ABLIM1: variants seen among roughly 807,000 people sequenced by gnomAD.
ABLIM1 encodes actin binding LIM protein 1, also known as actin-binding LIM protein 1.
A neutral mutation model predicts 107.0 loss-of-function variants in ABLIM1; 40 were observed. The observed-to-expected ratio is 0.37, with a 90% CI of 0.29 to 0.49. ABLIM1 has a LOEUF of 0.49. ABLIM1 is among the 20% of genes least tolerant of loss of function. ABLIM1 has a pLI of 0.97. For missense variants in ABLIM1, 857 were observed against 1,008.5 expected (o/e 0.85, Z 2.04); for synonymous variants, 357 against 357.3 (o/e 1.00, Z 0.01).
chr10:114,697,076 G>A (rs143035591), intron 1 of ABLIM1, among the ~76,000 whole-genome samples: 4 of 152,250 alleles, frequency 2.6e-5, no homozygotes, highest in African/African-American at 9.6e-5. Flanking sequence ...ATGACTCAGG[G>A]CACTCTGGGG....
intron 4 of ABLIM1, among the ~76,000 whole-genome samples, chr10:114,553,592 T>C (rs991360278): frequency 2.4e-4 from 37 of 152,144 alleles, no homozygotes; most frequent in African/African-American, 8.5e-4. Context: ...TCCCCTCTGC[T>C]CTGCTGCAAG....
rs1591916436 is a variant in ABLIM1, at chr10:114,737,872, T to TA, written c.-213+30188dup. ...CAGTTCAGCCTCAGAACCACTCTAGTAAAAAAGGCACTACTATAACTGTTC... is the reference window on the plus strand; with the variant it reads ...CAGTTCAGCCTCAGAACCACTCTAGTAAAAAAAGGCACTACTATAACTGTTC... On this transcript the variant is annotated intron_variant, in intron 1 of 15. Transcript: ENST00000651092. Among the ~76,000 whole-genome samples the TA allele has an allele frequency of 2.0e-5, 3 of 152,184 alleles. No individual in the cohort carries two copies. The East Asian group carries it at 5.8e-4, about 29-fold the overall frequency.
chr10:114,597,683 G>A (rs1401622200), intron 2 of ABLIM1, among the ~76,000 whole-genome samples: 1 of 152,200 alleles, frequency 6.6e-6, no homozygotes, highest in Non-Finnish European at 1.5e-5. Flanking sequence ...GAGAATACGA[G>A]GGCAGTTGGT....
rs1259486222 is a variant in ABLIM1 at position 114,547,436 on chromosome 10, T to C, written c.800+214A>G. ...GTGTCAGCTTCATTAATTGTTAAAT[T>C]AGGCAATGATTAACATATCATTAGG... On this transcript the variant is annotated intron_variant, in intron 5 of 22. Coordinates refer to ENST00000533213, the MANE Select transcript of ABLIM1 (RefSeq NM_002313.7). The C allele has an allele frequency of 1.0e-5, 6 of 583,434 alleles. No homozygotes were observed. In the Admixed American group the frequency reaches 2.1e-4, roughly 20 times the overall value. 36.1% of individuals were successfully genotyped at this position (583,434 alleles called of 1,614,324 possible).
chr10:114,768,372 G>A (rs2760664), upstream of ABLIM1, among the ~76,000 whole-genome samples: 1 of 150,280 alleles, frequency 6.7e-6, no homozygotes, highest in Non-Finnish European at 1.5e-5. Flanking sequence ...GCTCTGCCGC[G>A]GCGCCGGGCG....
intron 8 of ABLIM1, among the ~76,000 whole-genome samples, chr10:114,474,547 A>AT (rs925377802): frequency 6.6e-5 from 10 of 151,858 alleles, no homozygotes; most frequent in Non-Finnish European, 1.2e-4. Context: ...TGCCCGGCTA[A>AT]TTTTTTGTAT....
chr10:114,499,022 G>A (rs1263404204), intron 6 of ABLIM1, among the ~76,000 whole-genome samples: 1 of 152,212 alleles, frequency 6.6e-6, no homozygotes, highest in Non-Finnish European at 1.5e-5. Flanking sequence ...TGTTCTACAA[G>A]CAAGGAAACT....
chr10:114,709,002 T>G (rs2141927645), intron 1 of ABLIM1, among the ~76,000 whole-genome samples: 1 of 152,326 alleles, frequency 6.6e-6, no homozygotes, highest in African/African-American at 2.4e-5. Flanking sequence ...TTTTAAGAAC[T>G]TGGCTAAGGG....
At chr10:114,781,993 C>G in the ABLIM1 span, among the ~76,000 whole-genome samples, 2 of 151,934 alleles carry the variant, frequency 1.3e-5, no homozygotes, top group East Asian at 3.9e-4. Flanking sequence ...AAGATTCACT[C>G]CTTTCTTTAC....
rs986088860 is a variant in ABLIM1 at position 114,434,969 on chromosome 10, T to C, written c.*1291A>G. On this transcript the variant is annotated 3_prime_UTR_variant, in exon 23 of 23. Transcript: ENST00000533213. ...GCAGTTTAGCCTCACTCTTGATCTT[T>C]GAGTCACACACACTCGGTGACAATG... 1 of 152,158 alleles carries C rather than the reference T, an allele frequency of 6.6e-6. No individual in the cohort carries two copies. Among genetic ancestry groups the C allele is most frequent in the Non-Finnish European group, 1.5e-5 (1 of 68,042 alleles). 9.4% of individuals were successfully genotyped at this position (152,158 alleles called of 1,614,324 possible).
At chr10:114,517,331 A>G (rs1171349066) in intron 6 of ABLIM1, among the ~76,000 whole-genome samples, 1 of 152,152 alleles carries the variant, frequency 6.6e-6, no homozygotes, top group East Asian at 1.9e-4. Context: ...CTGGACCCAC[A>G]TGAAGATGAA....
chr10:114,439,077 C>A, intron 21 of ABLIM1, 99 bp downstream of exon 21: 1 of 1,436,736 alleles, frequency 7.0e-7, no homozygotes, highest in South Asian at 1.2e-5. Flanking sequence ...CTGAACACAC[C>A]AGCCTACAAC....
At chr10:114,657,851 GTT>G in intron 1 of ABLIM1, 104 bp downstream of exon 1, 2 of 970,160 alleles carry the variant, frequency 2.1e-6, no homozygotes, top group Non-Finnish European at 3.1e-6. Context: ...TAAGGATAGT[GTT>G]TCCTTTGAAG....
rs1470292265 is a variant in ABLIM1 at position 114,533,102 on chromosome 10, G to A, written c.894+11903C>T. ...CGCCTGTTATCCCAGCACTTTGGGT[G>A]GCTGAGGTGGGTGGATCATTTGAGG... On this transcript the variant is annotated intron_variant, in intron 6 of 22. Coordinates refer to ENST00000533213, the MANE Select transcript of ABLIM1 (RefSeq NM_002313.7). 3.9e-5 allele frequency among the ~76,000 whole-genome samples: 6 copies of A among 152,322 alleles called. No individual in the cohort carries two copies. The East Asian group carries it at 1.2e-3, about 29-fold the overall frequency.
the ABLIM1 span, among the ~76,000 whole-genome samples, chr10:114,788,432 A>C: frequency 6.6e-6 from 1 of 151,700 alleles, no homozygotes; most frequent in African/African-American, 2.4e-5. Context: ...AAAAAAAGAA[A>C]GAAATCTAGT....
At chr10:114,442,827 T>C (rs753049357) in intron 17 of ABLIM1, among the ~76,000 whole-genome samples, 1 of 143,328 alleles carries the variant, frequency 7.0e-6, no homozygotes, top group South Asian at 2.2e-4. Context: ...AATGCTTGCA[T>C]GGAGTGAACA....
At position 114,487,811 on chromosome 10, in the gene ABLIM1, C is replaced by T. The variant is rs182599076; in HGVS notation, c.1041+147G>A. ...TTAAGGTAAGAGGGGAACCCTTTCC[C>T]TAGCCAAATGGCCTTTGAACTTAGT... On this transcript the variant is annotated intron_variant, in intron 8 of 22. Transcript: ENST00000533213. 6.2e-6 allele frequency: 6 copies of T among 965,800 alleles called. No individual in the cohort carries two copies. The Admixed American group carries it at 1.1e-4, about 18-fold the overall frequency. 59.8% of individuals were successfully genotyped at this position (965,800 alleles called of 1,614,324 possible). A position where few individuals can be genotyped will look rare whatever the true frequency, so the allele number is the denominator to read the frequency against.
In ABLIM1 at chr10:114,435,953, T is replaced by TAAAGGA. The variant is rs2059328516; in HGVS notation, c.*301_*306dup. On this transcript the variant is annotated 3_prime_UTR_variant, in exon 23 of 23. Coordinates refer to ENST00000533213, the MANE Select transcript of ABLIM1 (RefSeq NM_002313.7). The stretch of plus-strand genomic sequence containing the variant: ...GTCAGCACTGTTGTTGGACAACAGA[T>TAAAGGA]AAAGGAAAAGAAAAAGAAGAAAACA... The TAAAGGA allele has an allele frequency of 4.2e-6, 1 of 237,300 alleles. No individual in the cohort carries two copies. The highest frequency in any genetic ancestry group is 2.2e-5 in the African/African-American group (1 of 44,552). 14.7% of individuals were successfully genotyped at this position (237,300 alleles called of 1,614,324 possible). A position where few individuals can be genotyped will look rare whatever the true frequency, so the allele number is the denominator to read the frequency against.
rs891214783 is a variant in ABLIM1, at chr10:114,575,486, C to T, written c.493G>A (p.Val165Met). The change falls in exon 3 of 23, where the codon GTG becomes ATG. Residue 165 changes from valine to methionine, a missense_variant. This residue lies in a region of ABLIM1 where 381 missense variants were observed against 506.9 expected (regional missense o/e 0.75). Transcript: ENST00000533213. ...AGAGCAGTCACCACTTCGCCCTCCA[C>T]GAACTCCCCACAGCCATGGCAGCGT... The part of the protein sequence containing the change: ...GTRCHGCGEF[V>M]EGEVVTALGK... 3.1e-6 allele frequency: 5 copies of T among 1,614,086 alleles called. No homozygotes were observed. The highest frequency in any genetic ancestry group is 4.5e-5 in the East Asian group (2 of 44,900).
Sources: gnomAD v4.1 joint callset for allele counts (sites outside exome capture counted in the v4.1 genomes callset) on GRCh38, gnomAD v4.1.1 for gene constraint, gnomAD v4.1.1 regional missense constraint, MANE v1.5 for transcripts, NCBI Gene and HGNC (gene_info 2026-07-23, HGNC 2026-07-21) for gene names.